Variants in FGF2 observed in about 807,000 individuals in gnomAD.
The protein encoded by FGF2 is fibroblast growth factor 2.
Under a neutral mutation model 15.9 loss-of-function variants are expected in FGF2, and 13 were observed. The observed-to-expected ratio is 0.82, with a 90% CI of 0.53 to 1.30. FGF2 has a LOEUF of 1.30. FGF2 is among the 50% of genes most tolerant of loss of function. FGF2 has a pLI of 0.00. For missense variants in FGF2, 163 were observed against 196.9 expected (o/e 0.83, Z 1.03); for synonymous variants, 90 against 78.4 (o/e 1.15, Z -0.78).
At chr4:122,854,043 C>T (rs1393628729) in intron 1 of FGF2, among the ~76,000 whole-genome samples, 1 of 152,122 alleles carries the variant, frequency 6.6e-6, no homozygotes, top group Non-Finnish European at 1.5e-5. Context: ...AATGAGAGTA[C>T]CTGTTTCTTC....
chr4:122,872,880 C>T (rs1256613955), intron 1 of FGF2, among the ~76,000 whole-genome samples: 1 of 152,118 alleles, frequency 6.6e-6, no homozygotes, highest in East Asian at 1.9e-4. Context: ...AAGGAGCACT[C>T]AATATGGAAA....
intron 1 of FGF2, among the ~76,000 whole-genome samples, chr4:122,861,736 C>G (rs1578466528): frequency 6.6e-6 from 1 of 152,080 alleles, no homozygotes; most frequent in Non-Finnish European, 1.5e-5. Context: ...CTCATTTAGT[C>G]CCCCATACCC....
intron 1 of FGF2, among the ~76,000 whole-genome samples, chr4:122,862,633 T>A (rs1726495429): frequency 6.6e-6 from 1 of 152,234 alleles, no homozygotes; most frequent in Non-Finnish European, 1.5e-5. Flanking sequence ...GATTTTCAAG[T>A]CAAAGTTGGA....
chr4:122,875,048 T>A (rs550643850), intron 1 of FGF2, among the ~76,000 whole-genome samples: 1 of 152,304 alleles, frequency 6.6e-6, no homozygotes, highest in African/African-American at 2.4e-5. Context: ...AGAGTTAACT[T>A]GGTTTAACTA....
rs1727423852 is a variant in FGF2, at chr4:122,898,150, ATG to A, written c.*5758_*5759del. Reference sequence around the variant, plus strand: ...GTATTACTCTTATTATTTCTATTGTATGTGTTAATGATTTTATGTAAAAATGT... The same window carrying A: ...GTATTACTCTTATTATTTCTATTGTATGTTAATGATTTTATGTAAAAATGT... On this transcript the variant is annotated 3_prime_UTR_variant, in exon 3 of 3. Coordinates refer to ENST00000644866, the MANE Select transcript of FGF2 (RefSeq NM_001361665.2). 1 of 152,958 alleles carries A rather than the reference ATG, an allele frequency of 6.5e-6. No homozygotes were observed. The highest frequency in any genetic ancestry group is 1.5e-5 in the Non-Finnish European group (1 of 68,368). The allele number at this position is 152,958 out of a possible 1,614,324, so 9.5% of individuals were successfully genotyped here.
intron 1 of FGF2, among the ~76,000 whole-genome samples, chr4:122,866,611 T>G (rs1726599136): frequency 6.6e-6 from 1 of 152,144 alleles, no homozygotes; most frequent in African/African-American, 2.4e-5. Context: ...ATCGAAGAAA[T>G]GCAAATCAAA....
chr4:122,830,550 T>C (rs1289315616), intron 1 of FGF2, among the ~76,000 whole-genome samples: 1 of 152,138 alleles, frequency 6.6e-6, no homozygotes, highest in Non-Finnish European at 1.5e-5. Context: ...ATGTTAAAAG[T>C]GGTTAGAGAG....
In FGF2 at chr4:122,897,530, A is replaced by T. The variant is rs1727399769; in HGVS notation, c.*5134A>T. The T allele has an allele frequency of 9.7e-6, 9 of 929,720 alleles. No homozygotes were observed. The highest frequency in any genetic ancestry group is 7.7e-5 in the Admixed American group (4 of 51,658). The allele number at this position is 929,720 out of a possible 1,614,324, so 57.6% of individuals were successfully genotyped here. On this transcript the variant is annotated 3_prime_UTR_variant, in exon 3 of 3. Transcript: ENST00000644866. The stretch of plus-strand genomic sequence containing the variant: ...AGACTCAGTCGGAACAAATTGGAAA[A>T]TTTAAATTTTTATTCTTAGCTATAA...
Position 122,839,735 on chromosome 4 carries a change from A to G in FGF2, c.178+12383A>G, listed in dbSNP as rs191145789. On this transcript the variant is annotated intron_variant, in intron 1 of 2. Coordinates refer to ENST00000644866, the MANE Select transcript of FGF2 (RefSeq NM_001361665.2). ...ATTCACACTTGTGCCGGTCACTGCAATCTTGCTGCAGCTTGTCTAGTTCTA... is the reference window on the plus strand; with the variant it reads ...ATTCACACTTGTGCCGGTCACTGCAGTCTTGCTGCAGCTTGTCTAGTTCTA... Among the ~76,000 whole-genome samples, 19 of 152,190 alleles carry G rather than the reference A, an allele frequency of 1.2e-4. No homozygotes were observed. The East Asian group carries it at 3.3e-3, about 26-fold the overall frequency.
rs1578486510 is a variant in FGF2, at chr4:122,894,863, T to C, written c.*2467T>C. 1 of 152,238 alleles carries C rather than the reference T, an allele frequency of 6.6e-6. No homozygotes were observed. Among genetic ancestry groups the C allele is most frequent in the East Asian group, 1.9e-4 (1 of 5,198 alleles). 9.4% of individuals were successfully genotyped at this position (152,238 alleles called of 1,614,324 possible). ...TGTTTAAATGTCCATTTTTATTCTT[T>C]ATGTTTGAAAATAAATTATGGGGAT... On this transcript the variant is annotated 3_prime_UTR_variant, in exon 3 of 3. Transcript: ENST00000644866.
intron 2 of FGF2, among the ~76,000 whole-genome samples, chr4:122,880,234 G>A (rs567838353): frequency 6.6e-6 from 1 of 151,728 alleles, no homozygotes; most frequent in East Asian, 1.9e-4. Flanking sequence ...AATCCAGTGA[G>A]GCAGTCAAAT....
chr4:122,875,250 A>T (rs1484485010), intron 1 of FGF2, among the ~76,000 whole-genome samples: 2 of 151,242 alleles, frequency 1.3e-5, no homozygotes, highest in Non-Finnish European at 2.9e-5. Context: ...TAATTAAGTA[A>T]TTTTTTTTTG....
At chr4:122,863,547 A>C (rs1726514967) in intron 1 of FGF2, among the ~76,000 whole-genome samples, 1 of 152,050 alleles carries the variant, frequency 6.6e-6, no homozygotes, top group Non-Finnish European at 1.5e-5. Flanking sequence ...TACCTTGCTC[A>C]TGTGGTTATC....
chr4:122,876,029 G>A (rs548854656), intron 1 of FGF2, among the ~76,000 whole-genome samples: 4 of 152,114 alleles, frequency 2.6e-5, no homozygotes, highest in Non-Finnish European at 4.4e-5. Flanking sequence ...ACAATTCTCC[G>A]TGTGTCCCCC....
chr4:122,895,437 T>C lies in FGF2; in HGVS notation c.*3041T>C, dbSNP rs1727319695. On this transcript the variant is annotated 3_prime_UTR_variant, in exon 3 of 3. Coordinates refer to ENST00000644866, the MANE Select transcript of FGF2 (RefSeq NM_001361665.2). ...ATTTTGTTATATTTAATAATAGAAT[T>C]AGATTGAAATAAAATATAATGGGAA... 1 of 152,196 alleles carries C rather than the reference T, an allele frequency of 6.6e-6. No individual in the cohort carries two copies. The highest frequency in any genetic ancestry group is 1.5e-5 in the Non-Finnish European group (1 of 68,042). The allele number at this position is 152,196 out of a possible 1,614,324, so 9.4% of individuals were successfully genotyped here. A position where few individuals can be genotyped will look rare whatever the true frequency, so the allele number is the denominator to read the frequency against.
At chr4:122,862,237 C>T (rs1726486567) in intron 1 of FGF2, among the ~76,000 whole-genome samples, 1 of 152,084 alleles carries the variant, frequency 6.6e-6, no homozygotes, top group Admixed American at 6.6e-5. Flanking sequence ...TTCCAAAAAC[C>T]ATATTCTTTC....
At chr4:122,859,446 T>C (rs2150775252) in intron 1 of FGF2, among the ~76,000 whole-genome samples, 1 of 152,308 alleles carries the variant, frequency 6.6e-6, no homozygotes, top group South Asian at 2.1e-4. Context: ...TGGTAAGACA[T>C]TATATAAGCA....
At chr4:122,876,816 C>T (rs1024324908) in intron 2 of FGF2, among the ~76,000 whole-genome samples, 3 of 152,168 alleles carry the variant, frequency 2.0e-5, no homozygotes, top group Admixed American at 6.5e-5. Context: ...TAGAATGTGA[C>T]GTACAAAACA....
intron 1 of FGF2, among the ~76,000 whole-genome samples, chr4:122,851,688 T>C (rs1726235557): frequency 6.6e-6 from 1 of 152,232 alleles, no homozygotes; most frequent in African/African-American, 2.4e-5. Flanking sequence ...TTATTAAAAG[T>C]AGAGAAAATG....
Sources: gnomAD v4.1 joint callset for allele counts (sites outside exome capture counted in the v4.1 genomes callset) on GRCh38, gnomAD v4.1.1 for gene constraint, MANE v1.5 for transcripts, NCBI Gene and HGNC (gene_info 2026-07-23, HGNC 2026-07-21) for gene names.